Variants in ARID5B observed in about 807,000 individuals in gnomAD.
The protein encoded by ARID5B is AT-rich interaction domain 5B.
In ARID5B, 13 loss-of-function variants were observed where a neutral mutation model predicts 97.2. The ratio of observed to expected loss-of-function variants is 0.13; its 90% CI spans 0.09 to 0.21. The LOEUF (loss-of-function observed/expected upper bound fraction) is 0.21. ARID5B is among the 10% of genes least tolerant of loss of function. ARID5B has a pLI of 1.00. For synonymous variants in ARID5B, 556 were observed against 570.3 expected (o/e 0.97, Z 0.36); for missense variants, 1,210 against 1,465.3 (o/e 0.83, Z 2.84).
At chr10:62,045,671 G>A (rs528525660) in intron 4 of ARID5B, among the ~76,000 whole-genome samples, 13 of 151,998 alleles carry the variant, frequency 8.6e-5, no homozygotes, top group African/African-American at 2.7e-4. Flanking sequence ...GGCTGGTCTC[G>A]AACTCCTGAC....
intron 2 of ARID5B, among the ~76,000 whole-genome samples, 169 bp from the exon 3 acceptor site, chr10:61,940,014 T>C (rs1029230674): frequency 3.9e-5 from 6 of 152,324 alleles, no homozygotes; most frequent in East Asian, 1.9e-4. Context: ...TGAAAAACCA[T>C]TGAAATGAAG....
intron 8 of ARID5B, among the ~76,000 whole-genome samples, chr10:62,073,687 T>A (rs1451635290): frequency 1.3e-5 from 2 of 152,246 alleles, no homozygotes; most frequent in Non-Finnish European, 2.9e-5. Context: ...ACTTAATTGC[T>A]CATGTTACAG....
intron 3 of ARID5B, among the ~76,000 whole-genome samples, chr10:61,991,041 T>TACACACACACACAC (rs397802272): frequency 0.02 from 2,854 of 145,096 alleles, 36 homozygotes; most frequent in African/African-American, 0.036. Flanking sequence ...ATTTATCCTG[T>TACACACACACACAC]ACACACACAC....
At chr10:61,956,293 T>C (rs1838391064) in intron 3 of ARID5B, among the ~76,000 whole-genome samples, 2 of 152,196 alleles carry the variant, frequency 1.3e-5, no homozygotes, top group African/African-American at 4.8e-5. Context: ...ATCTAGGTTG[T>C]GTACTCCTTG....
At chr10:61,943,629 A>G (rs1199721191) in intron 3 of ARID5B, among the ~76,000 whole-genome samples, 4 of 152,146 alleles carry the variant, frequency 2.6e-5, no homozygotes, top group African/African-American at 7.2e-5. Context: ...GTTCTTAGAG[A>G]AGGGATTTTA....
intron 8 of ARID5B, among the ~76,000 whole-genome samples, chr10:62,071,276 C>A (rs1285346774): frequency 6.6e-6 from 1 of 151,988 alleles, no homozygotes; most frequent in African/African-American, 2.4e-5. Context: ...CCTCATGATC[C>A]ACCCACTTCG....
At chr10:62,024,222 A>C (rs1839391163) in intron 4 of ARID5B, among the ~76,000 whole-genome samples, 1 of 152,338 alleles carries the variant, frequency 6.6e-6, no homozygotes, top group Non-Finnish European at 1.5e-5. Context: ...ATCTGCCCTA[A>C]TTCTAGAGCC....
At chr10:62,072,772 T>C (rs921468167) in intron 8 of ARID5B, among the ~76,000 whole-genome samples, 2 of 152,228 alleles carry the variant, frequency 1.3e-5, no homozygotes, top group African/African-American at 4.8e-5. Context: ...CAATGTTCAA[T>C]CAATCATTCT....
At chr10:61,930,281 T>C (rs1313419848) in intron 2 of ARID5B, among the ~76,000 whole-genome samples, 2 of 152,228 alleles carry the variant, frequency 1.3e-5, no homozygotes, top group South Asian at 4.1e-4. Flanking sequence ...CTCTTGCATA[T>C]GTACACATCT....
At chr10:62,041,159 C>T (rs554702965) in intron 4 of ARID5B, among the ~76,000 whole-genome samples, 5 of 152,230 alleles carry the variant, frequency 3.3e-5, no homozygotes, top group African/African-American at 1.2e-4. Flanking sequence ...CATTCTGTAC[C>T]CTCACCCCAC....
At chr10:61,961,757 T>A (rs10994989) in intron 3 of ARID5B, among the ~76,000 whole-genome samples, 2 of 152,104 alleles carry the variant, frequency 1.3e-5, no homozygotes, top group Non-Finnish European at 2.9e-5. Flanking sequence ...TTTCTTTCTT[T>A]TTTTTCTGAG....
At chr10:61,947,152 C>T (rs535436307) in intron 3 of ARID5B, among the ~76,000 whole-genome samples, 7 of 152,044 alleles carry the variant, frequency 4.6e-5, no homozygotes, top group South Asian at 2.1e-4. Context: ...TGCCTCATGC[C>T]GTTATAATGT....
intron 2 of ARID5B, among the ~76,000 whole-genome samples, chr10:61,907,419 C>A (rs1381777730): frequency 1.3e-5 from 2 of 152,026 alleles, no homozygotes; most frequent in Admixed American, 6.6e-5. Flanking sequence ...TGGCCTTAGA[C>A]AATTGTTTTA....
intron 2 of ARID5B, among the ~76,000 whole-genome samples, chr10:61,937,901 T>C (rs1056277897): frequency 3.9e-5 from 6 of 152,152 alleles, no homozygotes; most frequent in African/African-American, 1.4e-4. Flanking sequence ...GCTTGCTGTT[T>C]CCCCCTCCTC....
chr10:61,901,755 C>G (rs1447371965), intron 1 of ARID5B, 25 bp downstream of exon 1: 1 of 1,612,278 alleles, frequency 6.2e-7, no homozygotes, highest in Admixed American at 1.7e-5. Context: ...TCCGCTCCTC[C>G]GATCCCGGCA....
chr10:61,941,883 A>G (rs1288610654), intron 3 of ARID5B, among the ~76,000 whole-genome samples: 1 of 152,240 alleles, frequency 6.6e-6, no homozygotes, highest in Admixed American at 6.5e-5. Flanking sequence ...TGAACACACA[A>G]TAACTAGTCT....
chr10:61,925,058 G>A (rs1290923823), intron 2 of ARID5B, among the ~76,000 whole-genome samples: 1 of 151,826 alleles, frequency 6.6e-6, no homozygotes, highest in Admixed American at 6.6e-5. Context: ...TACAAAAAAT[G>A]GCTGGTCATG....
At chr10:62,049,150 T>C in intron 4 of ARID5B, 3 of 1,217,040 alleles carry the variant, frequency 2.5e-6, no homozygotes, top group Non-Finnish European at 3.1e-6. Flanking sequence ...GAGCAAGAGG[T>C]CAGGATCCAC....
intron 4 of ARID5B, among the ~76,000 whole-genome samples, chr10:62,011,315 C>G (rs1839215445): frequency 6.6e-6 from 1 of 152,194 alleles, no homozygotes; most frequent in South Asian, 2.1e-4. Flanking sequence ...CCAGGACATA[C>G]CCCTTCAGAA....
Sources: gnomAD v4.1 joint callset for allele counts (sites outside exome capture counted in the v4.1 genomes callset) on GRCh38, gnomAD v4.1.1 for gene constraint, MANE v1.5 for transcripts, NCBI Gene and HGNC (gene_info 2026-07-23, HGNC 2026-07-21) for gene names.